Variants in SLC1A2 observed in about 807,000 individuals in gnomAD.
SLC1A2 encodes solute carrier family 1 member 2.
SLC1A2 carries 15 observed loss-of-function variants against 48.8 expected under a neutral mutation model. That is an observed-to-expected ratio of 0.31 (90% confidence interval 0.21 to 0.47). The LOEUF is 0.47. Ranked by LOEUF, SLC1A2 falls within the 20% of genes least tolerant of loss-of-function variation. SLC1A2 has a pLI of 0.99. For missense variants in SLC1A2, 502 were observed against 730.5 expected (o/e 0.69, Z 3.61); for synonymous variants, 279 against 272.6 (o/e 1.02, Z -0.23).
chr11:35,288,013 T>A (rs1850881013), intron 7 of SLC1A2, among the ~76,000 whole-genome samples: 2 of 152,168 alleles, frequency 1.3e-5, no homozygotes, highest in Admixed American at 6.5e-5. Flanking sequence ...TTGTCAAAGT[T>A]TCCTCCTTCT....
intron 1 of SLC1A2, among the ~76,000 whole-genome samples, chr11:35,344,427 G>C (rs115828278): frequency 1.3e-5 from 2 of 152,190 alleles, no homozygotes; most frequent in East Asian, 3.9e-4. Flanking sequence ...AGCAAGCTTG[G>C]TATATGCTAC....
chr11:35,344,039 A>C (rs79087029), intron 1 of SLC1A2, among the ~76,000 whole-genome samples: 3,247 of 151,782 alleles, frequency 0.021, 53 homozygotes, highest in Middle Eastern at 0.048. Context: ...ATCCTTTTTT[A>C]CCCATCATTA....
chr11:35,264,391 G>C (rs1297537667), intron 10 of SLC1A2, among the ~76,000 whole-genome samples: 2 of 152,232 alleles, frequency 1.3e-5, no homozygotes, highest in Non-Finnish European at 2.9e-5. Flanking sequence ...AAAGCTACCA[G>C]AGATCTCTGG....
chr11:35,329,301 T>C (rs992223679), intron 1 of SLC1A2, among the ~76,000 whole-genome samples: 18 of 152,226 alleles, frequency 1.2e-4, no homozygotes, highest in African/African-American at 4.3e-4. Flanking sequence ...CACATCATCA[T>C]ACATTTGTCC....
upstream of SLC1A2, chr11:35,420,404 C>G (rs1470389923): frequency 6.6e-6 from 1 of 152,258 alleles, no homozygotes; most frequent in Non-Finnish European, 1.5e-5. Context: ...AACCTAGGGT[C>G]CCACTACTTG....
At chr11:35,333,803 A>C (rs1047197259) in intron 1 of SLC1A2, among the ~76,000 whole-genome samples, 1 of 150,220 alleles carries the variant, frequency 6.7e-6, no homozygotes, top group African/African-American at 2.4e-5. Context: ...CTGGGATGAC[A>C]GGCATGCACC....
intron 1 of SLC1A2, among the ~76,000 whole-genome samples, chr11:35,388,452 T>C (rs1448616845): frequency 6.6e-6 from 1 of 152,226 alleles, no homozygotes; most frequent in Non-Finnish European, 1.5e-5. Context: ...TGGAGTACAG[T>C]GGTGTGATCA....
In SLC1A2 at chr11:35,315,153, A is replaced by G; in HGVS notation, c.180T>C (p.Cys60=). 1.9e-6 allele frequency: 3 copies of G among 1,613,836 alleles called. No homozygotes were observed. Among genetic ancestry groups the G allele is most frequent in the Non-Finnish European group, 1.7e-6 (2 of 1,179,776 alleles). Residue 60 remains cysteine, a synonymous_variant, in exon 3 of 11, where the codon TGT becomes TGC. Transcript: ENST00000278379. ...TVFGVILGAV[C]GGLLRLASPI... ...GAGATGCCAAGCGAAGAAGCCCTCC[A>G]CACACTGCTCCCAGGATGACACCTA...
chr11:35,392,116 CGTGTGTGTGT>C (rs1225827656), intron 1 of SLC1A2, among the ~76,000 whole-genome samples: 1 of 151,754 alleles, frequency 6.6e-6, no homozygotes, highest in Admixed American at 6.6e-5. Flanking sequence ...TGTTTGTGCA[CGTGTGTGTGT>C]GTGTTTTGAA....
At chr11:35,381,716 T>C (rs1854429663) in intron 1 of SLC1A2, among the ~76,000 whole-genome samples, 1 of 152,208 alleles carries the variant, frequency 6.6e-6, no homozygotes, top group Admixed American at 6.5e-5. Context: ...CTGCTCTTGT[T>C]TGCCTCAGAA....
At chr11:35,291,036 C>T (rs7929900) in intron 7 of SLC1A2, among the ~76,000 whole-genome samples, 90,670 of 151,762 alleles carry the variant, frequency 0.6, 27,743 homozygotes, top group East Asian at 0.73. Flanking sequence ...GGCCCTGCTG[C>T]GTCATGCAGT....
intron 1 of SLC1A2, among the ~76,000 whole-genome samples, chr11:35,392,036 A>G (rs978833295): frequency 7.2e-5 from 11 of 152,222 alleles, no homozygotes; most frequent in Non-Finnish European, 1.6e-4. Flanking sequence ...AGCTAATAAC[A>G]AAATAGTTTG....
intron 1 of SLC1A2, among the ~76,000 whole-genome samples, chr11:35,378,980 G>A (rs976801137): frequency 6.6e-6 from 1 of 152,216 alleles, no homozygotes. Context: ...TGTAATCCCA[G>A]CACTTTGGGA....
chr11:35,406,075 C>T (rs780163981), intron 1 of SLC1A2, among the ~76,000 whole-genome samples: 2 of 152,148 alleles, frequency 1.3e-5, no homozygotes, highest in Non-Finnish European at 2.9e-5. Flanking sequence ...GGATAGTGAA[C>T]AGACAGACAA....
chr11:35,344,476 A>G (rs117237139), intron 1 of SLC1A2, among the ~76,000 whole-genome samples: 2,836 of 152,320 alleles, frequency 0.019, 40 homozygotes, highest in Non-Finnish European at 0.029. Flanking sequence ...GCACAGGTCA[A>G]ATTCTGTGAG....
rs576427211 is a variant in SLC1A2 at position 35,276,559 on chromosome 11, G to T, written c.1421+4308C>A. Among the ~76,000 whole-genome samples the T allele has an allele frequency of 3.3e-5, 5 of 152,318 alleles. No homozygotes were observed. The East Asian group carries it at 9.6e-4, about 29-fold the overall frequency. On this transcript the variant is annotated intron_variant, in intron 9 of 10. Transcript: ENST00000278379. ...GTGTAAGCATGTGAGCACCTGCATG[G>T]GGTGATCTGGGAGGGCCCAGCCCTC...
chr11:35,409,408 C>T (rs540097641), intron 1 of SLC1A2, among the ~76,000 whole-genome samples: 1 of 152,158 alleles, frequency 6.6e-6, no homozygotes, highest in Non-Finnish European at 1.5e-5. Context: ...CTCTTGTTCC[C>T]AATATATTTA....
chr11:35,321,967 T>C (rs889986907), intron 1 of SLC1A2, among the ~76,000 whole-genome samples: 7 of 151,996 alleles, frequency 4.6e-5, no homozygotes, highest in Non-Finnish European at 8.8e-5. Context: ...GCCTCCTAAA[T>C]TGAGGAATAT....
Position 35,286,751 on chromosome 11 carries a change from T to C in SLC1A2, c.1286+6A>G. On this transcript the variant is annotated splice_donor_region_variant and intron_variant, in intron 8 of 10. Transcript: ENST00000278379. The stretch of plus-strand genomic sequence containing the variant: ...GTTGTTTTGTGTTTTACCCCACCCT[T>C]CTCACCTTACAGTCACAATCTGTCC... 1 of 1,608,514 alleles carries C rather than the reference T, an allele frequency of 6.2e-7. No homozygotes were observed. Among genetic ancestry groups the C allele is most frequent in the South Asian group, 1.1e-5 (1 of 90,620 alleles).
Sources: allele counts gnomAD v4.1 joint callset (sites outside exome capture counted in the v4.1 genomes callset), GRCh38; gene constraint gnomAD v4.1.1; transcripts MANE v1.5; gene names NCBI Gene and HGNC (gene_info 2026-07-23, HGNC 2026-07-21).